Variants in ERBB4 observed in about 807,000 individuals in gnomAD.
ERBB4 encodes the protein erb-b2 receptor tyrosine kinase 4.
ERBB4 carries 42 observed loss-of-function variants against 158.0 expected under a neutral mutation model. The ratio of observed to expected loss-of-function variants is 0.27; its 90% CI spans 0.21 to 0.34. The LOEUF is 0.34. ERBB4 is among the 10% of genes least tolerant of loss of function. ERBB4 has a pLI of 1.00. For synonymous variants in ERBB4, 583 were observed against 558.7 expected (o/e 1.04, Z -0.61); for missense variants, 1,333 against 1,624.1 (o/e 0.82, Z 3.08).
At chr2:211,553,011 C>T (rs2067143756) in intron 20 of ERBB4, among the ~76,000 whole-genome samples, 1 of 151,686 alleles carries the variant, frequency 6.6e-6, no homozygotes. Flanking sequence ...CTCTGTCACC[C>T]AGACTGGAGT....
chr2:211,816,312 G>A (rs1193947195), intron 3 of ERBB4, among the ~76,000 whole-genome samples: 1 of 151,846 alleles, frequency 6.6e-6, no homozygotes, highest in East Asian at 1.9e-4. Flanking sequence ...AGGCTGAGGT[G>A]GGCAGATCAC....
chr2:211,770,555 T>A (rs1401482803), intron 4 of ERBB4, among the ~76,000 whole-genome samples: 1 of 152,224 alleles, frequency 6.6e-6, no homozygotes, highest in East Asian at 1.9e-4. Flanking sequence ...AATTCACATA[T>A]TTTAGTGAAA....
At chr2:211,768,424 G>T (rs1014899689) in intron 4 of ERBB4, among the ~76,000 whole-genome samples, 1 of 152,246 alleles carries the variant, frequency 6.6e-6, no homozygotes, top group Non-Finnish European at 1.5e-5. Context: ...GGGACTCTGT[G>T]TGGGGGCTAC....
chr2:211,937,481 A>G (rs1340153488), intron 3 of ERBB4, among the ~76,000 whole-genome samples: 1 of 152,136 alleles, frequency 6.6e-6, no homozygotes, highest in Non-Finnish European at 1.5e-5. Context: ...GACTTTTTCT[A>G]TTAGTCCATT....
At chr2:212,206,243 G>GCAA (rs2082741021) in intron 1 of ERBB4, among the ~76,000 whole-genome samples, 1 of 152,108 alleles carries the variant, frequency 6.6e-6, no homozygotes, top group African/African-American at 2.4e-5. Flanking sequence ...ACACAAGCTG[G>GCAA]GGAGGGTGCT....
At chr2:212,186,664 A>G (rs1446234493) in intron 1 of ERBB4, among the ~76,000 whole-genome samples, 1 of 152,174 alleles carries the variant, frequency 6.6e-6, no homozygotes, top group African/African-American at 2.4e-5. Flanking sequence ...TTGCAGGCAA[A>G]TAAACTAAAG....
chr2:211,887,132 G>A (rs556607379), intron 3 of ERBB4, among the ~76,000 whole-genome samples: 1 of 151,704 alleles, frequency 6.6e-6, no homozygotes, highest in African/African-American at 2.4e-5. Flanking sequence ...CCCTGTAATA[G>A]GTCCACTCCC....
chr2:212,528,011 A>G (rs1692544423), intron 1 of ERBB4, among the ~76,000 whole-genome samples: 1 of 151,826 alleles, frequency 6.6e-6, no homozygotes, highest in East Asian at 1.9e-4. Context: ...AATCTTGCAT[A>G]CGCCCCTGAT....
At chr2:212,501,533 T>C (rs1685385586) in intron 1 of ERBB4, among the ~76,000 whole-genome samples, 1 of 152,124 alleles carries the variant, frequency 6.6e-6, no homozygotes, top group African/African-American at 2.4e-5. Context: ...ACCACAGACT[T>C]CGTTGACCAG....
chr2:211,823,644 A>AT (rs1296180044), intron 3 of ERBB4, among the ~76,000 whole-genome samples: 1 of 152,022 alleles, frequency 6.6e-6, no homozygotes, highest in Non-Finnish European at 1.5e-5. Context: ...ATTGTGGTAA[A>AT]TTCAATGTTA....
At chr2:212,208,112 T>C (rs2082821808) in intron 1 of ERBB4, among the ~76,000 whole-genome samples, 1 of 152,176 alleles carries the variant, frequency 6.6e-6, no homozygotes, top group Non-Finnish European at 1.5e-5. Context: ...TTTGGAGTTA[T>C]ATCACTTTAT....
At chr2:212,121,575 C>A (rs1381835116) in intron 2 of ERBB4, among the ~76,000 whole-genome samples, 1 of 152,112 alleles carries the variant, frequency 6.6e-6, no homozygotes, top group Non-Finnish European at 1.5e-5. Flanking sequence ...CTACCTTATC[C>A]AATTACAAAA....
chr2:211,761,020 C>A (rs1482621976), intron 4 of ERBB4, among the ~76,000 whole-genome samples: 1 of 151,932 alleles, frequency 6.6e-6, no homozygotes, highest in Non-Finnish European at 1.5e-5. Context: ...CATAGTGAAA[C>A]CCCGTCTCTA....
intron 1 of ERBB4, among the ~76,000 whole-genome samples, chr2:212,226,410 T>TGG (rs138561912): frequency 0.38 from 55,994 of 148,892 alleles, 11,877 homozygotes; most frequent in East Asian, 0.73. Context: ...AGTAAAGACA[T>TGG]GGGGGGGGGT....
Position 211,947,447 on chromosome 2 carries a change from C to G in ERBB4, c.404G>C (p.Gly135Ala), listed in dbSNP as rs867148133. ...KDGNFGLQELGLKNLTEILNG... is the reference protein window; with the variant it reads ...KDGNFGLQELALKNLTEILNG... ...TTCCTTACCTGTCAAGTTCTTTAAT[C>G]CAAGTTCTTGAAGTCCAAAGTTTCC... The change falls in exon 3 of 28, where the codon GGA becomes GCA. Residue 135 changes from glycine to alanine, a missense_variant. Physicochemically the swap from Gly to Ala is moderately conservative, Grantham distance 60 (BLOSUM62 0). Around this residue, in one of 5 missense-constraint regions of ERBB4, gnomAD observed 438 missense variants for 586.9 expected, o/e 0.75. Transcript: ENST00000342788. The G allele has an allele frequency of 3.1e-6, 5 of 1,613,590 alleles. No homozygotes were observed. Among genetic ancestry groups the G allele is most frequent in the Non-Finnish European group, 4.2e-6 (5 of 1,179,686 alleles).
intron 2 of ERBB4, among the ~76,000 whole-genome samples, chr2:212,074,517 C>A (rs997878537): frequency 6.6e-6 from 1 of 151,810 alleles, no homozygotes; most frequent in Non-Finnish European, 1.5e-5. Context: ...TATTATTTAA[C>A]CAAATACTAT....
At chr2:212,186,410 A>C (rs2082018197) in intron 1 of ERBB4, among the ~76,000 whole-genome samples, 1 of 152,222 alleles carries the variant, frequency 6.6e-6, no homozygotes, top group African/African-American at 2.4e-5. Context: ...AGTCTAACTG[A>C]AAATGTGTTC....
rs560762228 is a variant in ERBB4 at position 211,379,758 on chromosome 2, C to T, written c.*3857G>A. 4.3e-6 allele frequency: 1 copy of T among 232,006 alleles called. No homozygotes were observed. Among genetic ancestry groups the T allele is most frequent in the African/African-American group, 2.2e-5 (1 of 45,336 alleles). The allele number at this position is 232,006 out of a possible 1,614,324, so 14.4% of individuals were successfully genotyped here. A position where few individuals can be genotyped will look rare whatever the true frequency, so the allele number is the denominator to read the frequency against. On this transcript the variant is annotated 3_prime_UTR_variant, in exon 28 of 28. Coordinates refer to ENST00000342788, the MANE Select transcript of ERBB4 (RefSeq NM_005235.3). ...GAACTACATATACTAGTTAAATTAT[C>T]AACAATTACAGATGGATGAATAATT...
chr2:211,426,412 T>TTAACGCCTTTTGCAA (rs2063628059), intron 22 of ERBB4, among the ~76,000 whole-genome samples: 1 of 152,206 alleles, frequency 6.6e-6, no homozygotes. Flanking sequence ...TTATCTGCCT[T>TTAACGCCTTTTGCAA]TAACGCCTTT....
Sources: gnomAD v4.1 joint callset for allele counts (sites outside exome capture counted in the v4.1 genomes callset) on GRCh38, gnomAD v4.1.1 for gene constraint, gnomAD v4.1.1 regional missense constraint, MANE v1.5 for transcripts, NCBI Gene and HGNC (gene_info 2026-07-23, HGNC 2026-07-21) for gene names.